Variants in APP observed in about 807,000 individuals in gnomAD.
APP encodes the protein amyloid beta precursor protein.
Under a neutral mutation model 101.4 loss-of-function variants are expected in APP, and 31 were observed. The observed-to-expected ratio is 0.31, with a 90% CI of 0.23 to 0.41. The LOEUF (loss-of-function observed/expected upper bound fraction) is 0.41, where lower values mean the gene tolerates loss of function less well. Among genes scored for constraint, APP ranks in the 10% least tolerant of loss-of-function variants. The pLI, the probability that APP is intolerant of heterozygous loss-of-function variation, is 1.00. For synonymous variants in APP, 366 were observed against 364.4 expected (o/e 1.00, Z -0.05); for missense variants, 839 against 1,003.7 (o/e 0.84, Z 2.22).
chr21:26,106,164 A>G (rs923407369), intron 2 of APP, among the ~76,000 whole-genome samples: 7 of 152,186 alleles, frequency 4.6e-5, no homozygotes, highest in Admixed American at 2.0e-4. Context: ...CCTTGAGGAC[A>G]CCCATCTTAG....
chr21:26,068,942 C>T (rs1312184044), intron 3 of APP, among the ~76,000 whole-genome samples: 1 of 152,116 alleles, frequency 6.6e-6, no homozygotes, highest in Non-Finnish European at 1.5e-5. Flanking sequence ...AGCAAATGTA[C>T]TAGAATCAAG....
chr21:25,914,609 A>T (rs944505308), intron 13 of APP, among the ~76,000 whole-genome samples: 6 of 135,010 alleles, frequency 4.4e-5, no homozygotes, highest in African/African-American at 1.8e-4. Context: ...GCTGGAGTGC[A>T]GTGGCGCAAT....
intron 13 of APP, among the ~76,000 whole-genome samples, chr21:25,954,001 T>G (rs1433073963): frequency 6.6e-6 from 1 of 152,238 alleles, no homozygotes; most frequent in East Asian, 1.9e-4. Context: ...CCCACTATCT[T>G]TTAAGTTTAA....
intron 11 of APP, 115 bp from the exon 12 acceptor site, chr21:25,955,870 T>C: frequency 6.8e-7 from 1 of 1,471,018 alleles, no homozygotes; most frequent in Non-Finnish European, 9.4e-7. Context: ...GTACTGTGAG[T>C]CACCTTTTTG....
intron 13 of APP, among the ~76,000 whole-genome samples, chr21:25,943,674 C>T (rs1207261814): frequency 7.0e-6 from 1 of 143,118 alleles, no homozygotes; most frequent in Non-Finnish European, 1.5e-5. Context: ...GTCTCGAACT[C>T]CTGCCTGACT....
Position 26,116,223 on chromosome 21 carries a change from A to AT in APP, c.58-4078dup, listed in dbSNP as rs1385424897. Among the ~76,000 whole-genome samples the AT allele has an allele frequency of 7.9e-5, 12 of 152,348 alleles. No homozygotes were observed. The East Asian group carries it at 2.1e-3, about 27-fold the overall frequency. Reference sequence around the variant, plus strand: ...AGTGCTCTGAACTACAGAGACGTACATATCAAACTTAAAAATGCTACAAGT... The same window carrying AT: ...AGTGCTCTGAACTACAGAGACGTACATTATCAAACTTAAAAATGCTACAAGT... On this transcript the variant is annotated intron_variant, in intron 1 of 17. Transcript: ENST00000346798.
chr21:25,953,303 A>G (rs2041172400), intron 13 of APP, among the ~76,000 whole-genome samples: 1 of 152,232 alleles, frequency 6.6e-6, no homozygotes, highest in Non-Finnish European at 1.5e-5. Flanking sequence ...TGAACAGAAC[A>G]TCATCACTTG....
In APP at chr21:26,040,936, T is replaced by C. The variant is rs2045347665; in HGVS notation, c.662+10064A>G. On this transcript the variant is annotated intron_variant, in intron 5 of 17. Coordinates refer to ENST00000346798, the MANE Select transcript of APP (RefSeq NM_000484.4). Reference sequence around the variant, plus strand: ...CAATTTTACATTGAAACACTGGGGATACTGCAAATGTTACCTAGTAAACTA... The same window carrying C: ...CAATTTTACATTGAAACACTGGGGACACTGCAAATGTTACCTAGTAAACTA... Among the ~76,000 whole-genome samples, 3 of 152,220 alleles carry C rather than the reference T, an allele frequency of 2.0e-5. No individual in the cohort carries two copies. The South Asian group carries it at 6.2e-4, about 32-fold the overall frequency.
chr21:25,899,296 T>A lies in APP; in HGVS notation c.1964-1623A>T, dbSNP rs970402529. ...GAACTTGGACTTGGGTAGCAAGATG[T>A]CATAGTTTAAAATATATCCACAAAT... On this transcript the variant is annotated intron_variant, in intron 15 of 17. Coordinates refer to ENST00000346798, the MANE Select transcript of APP (RefSeq NM_000484.4). 2.0e-5 allele frequency among the ~76,000 whole-genome samples: 3 copies of A among 152,168 alleles called. No homozygotes were observed. The South Asian group carries it at 6.2e-4, about 32-fold the overall frequency.
At chr21:25,929,495 T>C (rs2040050212) in intron 13 of APP, among the ~76,000 whole-genome samples, 1 of 152,154 alleles carries the variant, frequency 6.6e-6, no homozygotes, top group Admixed American at 6.5e-5. Context: ...TTCGAAGTTA[T>C]TGAGGCAATG....
chr21:26,161,780 T>A (rs1265848857), intron 1 of APP, among the ~76,000 whole-genome samples: 1 of 152,196 alleles, frequency 6.6e-6, no homozygotes, highest in Non-Finnish European at 1.5e-5. Context: ...ATTGAGAGCA[T>A]CAGGATGGAG....
At position 25,891,759 on chromosome 21, in the gene APP, T is replaced by C; in HGVS notation, c.2174A>G (p.Lys725Arg). The C allele has an allele frequency of 6.2e-7, 1 of 1,614,204 alleles. No individual in the cohort carries two copies. The highest frequency in any genetic ancestry group is 2.2e-5 in the East Asian group (1 of 44,884). The change falls in exon 17 of 18, where the codon AAG becomes AGG. Residue 725 changes from lysine to arginine, a missense_variant. Lys to Arg is a conservative substitution (Grantham distance 26). Coordinates refer to ENST00000346798, the MANE Select transcript of APP (RefSeq NM_000484.4). ...ATGATGAATGGATGTGTACTGTTTC[T>C]TCTTCAGCATCACCAAGGTGATGAC... ...VIVITLVMLK[K>R]KQYTSIHHGV... is the part of the protein sequence containing the mutation.
chr21:26,092,754 T>C (rs1452864861), intron 2 of APP, among the ~76,000 whole-genome samples: 2 of 152,210 alleles, frequency 1.3e-5, no homozygotes, highest in African/African-American at 2.4e-5. Context: ...ATGTTTATAA[T>C]AGGAGAGGCT....
intron 3 of APP, among the ~76,000 whole-genome samples, chr21:26,064,568 G>C (rs2046386661): frequency 6.6e-6 from 1 of 151,248 alleles, no homozygotes; most frequent in Non-Finnish European, 1.5e-5. Flanking sequence ...GGTTTTACTG[G>C]GGGCTTGCAT....
intron 8 of APP, among the ~76,000 whole-genome samples, chr21:25,986,548 A>T (rs560150092): frequency 2.8e-4 from 42 of 152,236 alleles, no homozygotes; most frequent in African/African-American, 4.6e-4. Flanking sequence ...TAAAATAAAA[A>T]AATTAGCAGG....
chr21:26,098,198 AATT>A (rs1019441119), intron 2 of APP, among the ~76,000 whole-genome samples: 136 of 148,600 alleles, frequency 9.2e-4, no homozygotes, highest in Non-Finnish European at 1.6e-3. Context: ...TATATATAAT[AATT>A]ATTATTAATA....
rs373134664 is a variant in APP, at chr21:25,897,121, CTCTT to C, written c.2064+448_2064+451del. Among the ~76,000 whole-genome samples the C allele has an allele frequency of 1.1e-3, 167 of 147,900 alleles. 1 individual carries two copies. The highest frequency in any genetic ancestry group is 3.9e-3 in the African/African-American group (152 of 39,148). On this transcript the variant is annotated intron_variant, in intron 16 of 17. Transcript: ENST00000346798. ...AGTCTGAAAGAACTATACATACAGCCTCTTTCTTTTCTTTTTTTTTTTTGGGATG... is the reference window on the plus strand; with the variant it reads ...AGTCTGAAAGAACTATACATACAGCCTCTTTTCTTTTTTTTTTTTGGGATG...
chr21:25,997,466 G>C (rs746116979), intron 7 of APP, 50 bp from the exon 8 acceptor site: 3 of 1,494,162 alleles, frequency 2.0e-6, no homozygotes, highest in African/African-American at 2.8e-5. Flanking sequence ...AGAAACATGG[G>C]AATGATGGCT....
intron 5 of APP, among the ~76,000 whole-genome samples, chr21:26,027,013 CAATA>C (rs976621255): frequency 3.3e-4 from 51 of 152,306 alleles, no homozygotes; most frequent in African/African-American, 1.2e-3. Context: ...TGCTCTAAAA[CAATA>C]AAGTCTATAT....
Sources: gnomAD v4.1 joint callset for allele counts (sites outside exome capture counted in the v4.1 genomes callset) on GRCh38, gnomAD v4.1.1 for gene constraint, MANE v1.5 for transcripts, NCBI Gene and HGNC (gene_info 2026-07-23, HGNC 2026-07-21) for gene names.